PHF3: variants seen among roughly 807,000 people sequenced by gnomAD.
The protein encoded by PHF3 is PHD finger protein 3.
PHF3 carries 41 observed loss-of-function variants against 178.4 expected under a neutral mutation model. That is an observed-to-expected ratio of 0.23 (90% CI 0.18 to 0.30). PHF3 has a LOEUF of 0.30. Among genes scored for constraint, PHF3 ranks in the 10% least tolerant of loss-of-function variants. PHF3 has a pLI of 1.00. For missense variants in PHF3, 2,346 were observed against 2,398.1 expected (o/e 0.98, Z 0.45); for synonymous variants, 842 against 800.5 (o/e 1.05, Z -0.88).
intron 2 of PHF3, among the ~76,000 whole-genome samples, chr6:63,677,939 G>A (rs184588903): frequency 2.0e-3 from 305 of 152,050 alleles, no homozygotes; most frequent in Non-Finnish European, 3.1e-3. Flanking sequence ...AAACTTTTTT[G>A]AGGCTGGGTG....
In PHF3 at chr6:63,717,047, G is replaced by T. The variant is rs781375589; in HGVS notation, c.*3339G>T. The stretch of plus-strand genomic sequence containing the variant: ...ACTTACTAATTGTAGTTTATTGTGG[G>T]TGAATTAATCTGAAATCTTTATAGA... On this transcript the variant is annotated 3_prime_UTR_variant, in exon 16 of 16. Transcript: ENST00000262043. Among the ~76,000 whole-genome samples the T allele has an allele frequency of 6.6e-6, 1 of 151,992 alleles. No individual in the cohort carries two copies. The highest frequency in any genetic ancestry group is 1.9e-4 in the East Asian group (1 of 5,188).
chr6:63,718,253 G>T lies in PHF3; in HGVS notation c.*4545G>T, dbSNP rs1768248574. Among the ~76,000 whole-genome samples, 1 of 151,954 alleles carries T rather than the reference G, an allele frequency of 6.6e-6. No individual in the cohort carries two copies. Among genetic ancestry groups the T allele is most frequent in the South Asian group, 2.1e-4 (1 of 4,826 alleles). The stretch of plus-strand genomic sequence containing the variant: ...AATGGGAAAGTTCCAATTTTGTGGA[G>T]ATTACAGGTAGAAAAGTTATAAAAT... On this transcript the variant is annotated 3_prime_UTR_variant, in exon 16 of 16. Coordinates refer to ENST00000262043, the MANE Select transcript of PHF3 (RefSeq NM_001370348.2).
rs537698453 is a variant in PHF3 at position 63,648,948 on chromosome 6, A to G, written c.244+2153A>G. Among the ~76,000 whole-genome samples, 9 of 152,222 alleles carry G rather than the reference A, an allele frequency of 5.9e-5. No homozygotes were observed. In the South Asian group the frequency reaches 1.9e-3, roughly 32 times the overall value. The stretch of plus-strand genomic sequence containing the variant: ...GCAGGGGATTTATCTTGATTTCTTC[A>G]AAGTTCTTTTCCTTTTGGGATATTT... On this transcript the variant is annotated intron_variant, in intron 2 of 15. Coordinates refer to ENST00000262043, the MANE Select transcript of PHF3 (RefSeq NM_001370348.2).
intron 2 of PHF3, chr6:63,678,999 AT>A: frequency 4.1e-6 from 1 of 242,162 alleles, no homozygotes. Flanking sequence ...ATCTCACTTG[AT>A]CCTCACAACA....
chr6:63,661,497 GGAAA>G (rs1765463975), intron 2 of PHF3, among the ~76,000 whole-genome samples: 1 of 152,068 alleles, frequency 6.6e-6, no homozygotes, highest in South Asian at 2.1e-4. Flanking sequence ...CACTAAAACT[GGAAA>G]GAAATTTCAA....
At chr6:63,673,191 A>T (rs1734161082) in intron 2 of PHF3, among the ~76,000 whole-genome samples, 1 of 152,196 alleles carries the variant, frequency 6.6e-6, no homozygotes, top group Admixed American at 6.5e-5. Flanking sequence ...TAACAGCAGA[A>T]ACAGCACCGC....
At chr6:63,668,610 G>T (rs190205509) in intron 2 of PHF3, among the ~76,000 whole-genome samples, 226 of 152,146 alleles carry the variant, frequency 1.5e-3, no homozygotes, top group African/African-American at 5.2e-3. Flanking sequence ...CTAAACCTGG[G>T]ATTATAGGCT....
At chr6:63,680,945 T>C (rs1451276982) in intron 3 of PHF3, among the ~76,000 whole-genome samples, 3 of 152,074 alleles carry the variant, frequency 2.0e-5, no homozygotes, top group African/African-American at 7.2e-5. Flanking sequence ...ATTTCCTCTT[T>C]CTGGATTCAA....
intron 2 of PHF3, among the ~76,000 whole-genome samples, chr6:63,669,534 C>CTT (rs1437275034): frequency 1.3e-5 from 2 of 152,106 alleles, no homozygotes; most frequent in East Asian, 3.9e-4. Flanking sequence ...GGCCAGGAAA[C>CTT]TTGAGTTATT....
Position 63,666,755 on chromosome 6 carries a change from C to CT in PHF3, c.245-13231dup, listed in dbSNP as rs1050386767. Reference sequence around the variant, plus strand: ...TCATACAGACATCATTGTCCCCCTCCTTTTTTTTTTTTTTGAGATGGAGTC... The same window carrying CT: ...TCATACAGACATCATTGTCCCCCTCCTTTTTTTTTTTTTTTGAGATGGAGTC... On this transcript the variant is annotated intron_variant, in intron 2 of 15. Coordinates refer to ENST00000262043, the MANE Select transcript of PHF3 (RefSeq NM_001370348.2). 8.3e-3 allele frequency among the ~76,000 whole-genome samples: 1,180 copies of CT among 142,758 alleles called. 8 individuals carry two copies. The highest frequency in any genetic ancestry group is 0.042 in the East Asian group (212 of 5,000). The allele number at this position is 142,758 out of a possible 152,430, so 93.7% of individuals were successfully genotyped here.
In PHF3 at chr6:63,712,897, C is replaced by A; in HGVS notation, c.5309C>A (p.Thr1770Lys). Residue 1770 changes from threonine to lysine, a missense_variant, in exon 16 of 16, where the codon ACA (threonine) becomes AAA (lysine). Transcript: ENST00000262043. ...VATSHFEVGN[T>K]CPSEFPSKSI... The stretch of plus-strand genomic sequence containing the variant: ...ACATCTCATTTTGAAGTTGGAAACA[C>A]ATGTCCATCAGAATTTCCTTCTAAA... 4 of 1,614,036 alleles carry A rather than the reference C, an allele frequency of 2.5e-6. No individual in the cohort carries two copies. Among genetic ancestry groups the A allele is most frequent in the Non-Finnish European group, 1.7e-6 (2 of 1,179,950 alleles).
At position 63,720,525 on chromosome 6, in the gene PHF3, A is replaced by T. The variant is rs1768331164; in HGVS notation, c.*6817A>T. ...GTAAACAGTTGATTCCCCGTAAGCAATGTATCAAAGAAATAACTATCAAAA... is the reference window on the plus strand; with the variant it reads ...GTAAACAGTTGATTCCCCGTAAGCATTGTATCAAAGAAATAACTATCAAAA... On this transcript the variant is annotated 3_prime_UTR_variant, in exon 16 of 16. Transcript: ENST00000262043. 9.0e-7 allele frequency: 1 copy of T among 1,106,550 alleles called. No homozygotes were observed. The highest frequency in any genetic ancestry group is 2.6e-5 in the East Asian group (1 of 37,994). 68.5% of individuals were successfully genotyped at this position (1,106,550 alleles called of 1,614,324 possible).
At position 63,684,508 on chromosome 6, in the gene PHF3, T is replaced by C; in HGVS notation, c.786T>C (p.Cys262=). ...ATTGTTCACTTCTTTCAGAGACTTG[T>C]GTTACTATTGGAGAAAAGAAAAATG... The part of the protein sequence containing the change: ...ELNCSLLSET[C]VTIGEKKNEA... The change falls in exon 4 of 16, where the codon TGT becomes TGC. Residue 262 remains cysteine (C), a synonymous_variant. Coordinates refer to ENST00000262043, the MANE Select transcript of PHF3 (RefSeq NM_001370348.2). 6.2e-7 allele frequency: 1 copy of C among 1,613,670 alleles called. No homozygotes were observed. Among genetic ancestry groups the C allele is most frequent in the Non-Finnish European group, 8.5e-7 (1 of 1,179,818 alleles).
rs1767567372 is a variant in PHF3 at position 63,703,550 on chromosome 6, T to A, written c.3246T>A (p.Asn1082Lys). The A allele has an allele frequency of 6.2e-7, 1 of 1,608,824 alleles. No homozygotes were observed. Among genetic ancestry groups the A allele is most frequent in the East Asian group, 2.2e-5 (1 of 44,666 alleles). The change falls in exon 11 of 16, where the codon AAT becomes AAA. Residue 1082 changes from asparagine (N) to lysine (K), a missense_variant. Transcript: ENST00000262043. Reference protein sequence around the residue: ...AAMEIQEPAANKSLEKPEGSE... With the variant: ...AAMEIQEPAAKKSLEKPEGSE... ...ACTTACGTTAGGAACCAGCCGCCAA[T>A]AAGTCATTGGAGAAGCCAGAAGGAT... is the stretch of plus-strand genomic sequence containing the variant.
intron 9 of PHF3, 45 bp from the exon 10 acceptor site, chr6:63,702,463 T>TA: frequency 1.5e-6 from 2 of 1,320,538 alleles, no homozygotes; most frequent in Non-Finnish European, 2.1e-6. Flanking sequence ...CACTTGGAAA[T>TA]ACATATTTTA....
chr6:63,720,331 A>G lies in PHF3; in HGVS notation c.*6623A>G. The stretch of plus-strand genomic sequence containing the variant: ...AGGGATAGGTAAAAAGTGAATAAGC[A>G]AAGTGAATAAGCACATTCTGTGAAT... On this transcript the variant is annotated 3_prime_UTR_variant, in exon 16 of 16. Transcript: ENST00000262043. 1 of 406,940 alleles carries G rather than the reference A, an allele frequency of 2.5e-6. No individual in the cohort carries two copies. Among genetic ancestry groups the G allele is most frequent in the South Asian group, 1.1e-4 (1 of 9,478 alleles). The allele number at this position is 406,940 out of a possible 1,614,324, so 25.2% of individuals were successfully genotyped here.
At chr6:63,640,529 T>G (rs777404807) in intron 1 of PHF3, among the ~76,000 whole-genome samples, 1 of 152,240 alleles carries the variant, frequency 6.6e-6, no homozygotes, top group Non-Finnish European at 1.5e-5. Flanking sequence ...TTGCACACAG[T>G]AAATATCCAG....
rs116473267 is a variant in PHF3 at position 63,703,530 on chromosome 6, C to T, written c.3232-6C>T. ...TAAAACTAATTTTTACTTTGACTTACGTTAGGAACCAGCCGCCAATAAGTC... is the reference window on the plus strand; with the variant it reads ...TAAAACTAATTTTTACTTTGACTTATGTTAGGAACCAGCCGCCAATAAGTC... On this transcript the variant is annotated splice_region_variant and splice_polypyrimidine_tract_variant and intron_variant, in intron 10 of 15. Transcript: ENST00000262043. The T allele has an allele frequency of 2.2e-3, 3,498 of 1,600,956 alleles. 52 individuals carry two copies. In the African/African-American group the frequency reaches 0.041, roughly 19 times the overall value.
In PHF3 at chr6:63,701,493, G is replaced by A. The variant is rs112015750; in HGVS notation, c.3100-1015G>A. ...GAGATAGCCATGTTATCCAATTTTTGTATTACAATGGCATCAGAATGTTAG... is the reference window on the plus strand; with the variant it reads ...GAGATAGCCATGTTATCCAATTTTTATATTACAATGGCATCAGAATGTTAG... On this transcript the variant is annotated intron_variant, in intron 9 of 15. Coordinates refer to ENST00000262043, the MANE Select transcript of PHF3 (RefSeq NM_001370348.2). Among the ~76,000 whole-genome samples, 1,072 of 152,206 alleles carry A rather than the reference G, an allele frequency of 7.0e-3. 15 individuals carry two copies. The highest frequency in any genetic ancestry group is 0.024 in the South Asian group (115 of 4,826).
Sources: allele counts gnomAD v4.1 joint callset (sites outside exome capture counted in the v4.1 genomes callset), GRCh38; gene constraint gnomAD v4.1.1; transcripts MANE v1.5; gene names NCBI Gene and HGNC (gene_info 2026-07-23, HGNC 2026-07-21).